PSD3: variants seen among roughly 807,000 people sequenced by gnomAD.
The protein encoded by PSD3 is pleckstrin and Sec7 domain containing 3.
A neutral mutation model predicts 105.5 loss-of-function variants in PSD3; 49 were observed. The observed-to-expected ratio is 0.46, with a 90% CI of 0.37 to 0.59. The LOEUF (loss-of-function observed/expected upper bound fraction) is 0.59. Among genes scored for constraint, PSD3 ranks in the 20% least tolerant of loss-of-function variants. The pLI is 0.00. For missense variants in PSD3, 1,561 were observed against 1,263.8 expected (o/e 1.24, Z -3.57); for synonymous variants, 557 against 457.8 (o/e 1.22, Z -2.77).
intron 9 of PSD3, among the ~76,000 whole-genome samples, chr8:18,698,601 A>T (rs1801396472): frequency 6.6e-6 from 1 of 152,152 alleles, no homozygotes; most frequent in Non-Finnish European, 1.5e-5. Context: ...GAAGGAATAC[A>T]GCCCTGCCAA....
At chr8:18,909,695 C>A (rs1049227226) in intron 2 of PSD3, among the ~76,000 whole-genome samples, 1 of 151,978 alleles carries the variant, frequency 6.6e-6, no homozygotes, top group Admixed American at 6.6e-5. Flanking sequence ...TGTTGGCCAG[C>A]CTAGTCTCAA....
intron 1 of PSD3, among the ~76,000 whole-genome samples, chr8:18,939,602 C>T (rs1193649233): frequency 6.6e-6 from 1 of 151,840 alleles, no homozygotes; most frequent in South Asian, 2.1e-4. Flanking sequence ...CTTGCCTAAG[C>T]CTCCTGAGAA....
intron 4 of PSD3, among the ~76,000 whole-genome samples, chr8:18,852,912 C>A (rs1815708540): frequency 6.6e-6 from 1 of 152,116 alleles, no homozygotes; most frequent in Admixed American, 6.5e-5. Flanking sequence ...CTAGTTAATC[C>A]TCACAGCCAC....
intron 11 of PSD3, among the ~76,000 whole-genome samples, chr8:18,623,985 C>T (rs1806307339): frequency 6.6e-6 from 1 of 152,134 alleles, no homozygotes; most frequent in African/African-American, 2.4e-5. Flanking sequence ...GGAACTCTAG[C>T]TCCTTCCTTT....
chr8:18,872,912 C>A (rs544533029), intron 2 of PSD3, among the ~76,000 whole-genome samples, 179 bp from the exon 3 acceptor site: 1 of 152,334 alleles, frequency 6.6e-6, no homozygotes, highest in South Asian at 2.1e-4. Flanking sequence ...GTGATCCCTT[C>A]TACTCAGCCT....
intron 15 of PSD3, among the ~76,000 whole-genome samples, chr8:18,555,392 A>C (rs1303388327): frequency 1.3e-5 from 2 of 152,206 alleles, no homozygotes; most frequent in African/African-American, 4.8e-5. Flanking sequence ...ATGAAAAAGA[A>C]CAGCTAAAGG....
chr8:18,587,628 T>G (rs1803288914), intron 12 of PSD3, among the ~76,000 whole-genome samples: 1 of 152,176 alleles, frequency 6.6e-6, no homozygotes, highest in Non-Finnish European at 1.5e-5. Flanking sequence ...TGTTAATTCC[T>G]CAGGGAGGCA....
At chr8:18,949,843 A>T (rs1268917306) in intron 1 of PSD3, among the ~76,000 whole-genome samples, 1 of 150,994 alleles carries the variant, frequency 6.6e-6, no homozygotes, top group East Asian at 1.9e-4. Flanking sequence ...TCAGACGAAT[A>T]ACACTATCTC....
chr8:19,009,033 T>C (rs774786911), intron 1 of PSD3, among the ~76,000 whole-genome samples: 12 of 152,242 alleles, frequency 7.9e-5, no homozygotes, highest in Non-Finnish European at 1.3e-4. Flanking sequence ...TTAAAATACA[T>C]TCCATTTTAA....
chr8:18,747,569 A>C (rs1165076779), intron 9 of PSD3, among the ~76,000 whole-genome samples: 1 of 152,212 alleles, frequency 6.6e-6, no homozygotes, highest in Non-Finnish European at 1.5e-5. Flanking sequence ...ATGGAAAAAG[A>C]GGAAACCAGA....
chr8:18,846,831 G>C (rs1815129615), intron 4 of PSD3, among the ~76,000 whole-genome samples: 1 of 151,982 alleles, frequency 6.6e-6, no homozygotes, highest in South Asian at 2.1e-4. Flanking sequence ...GGTTGGTGCT[G>C]GAAAAAACCC....
chr8:18,654,139 C>CATAT (rs765249435), intron 10 of PSD3, among the ~76,000 whole-genome samples: 2 of 150,758 alleles, frequency 1.3e-5, no homozygotes, highest in African/African-American at 2.4e-5. Flanking sequence ...ACACATAAGC[C>CATAT]ATATATATAT....
chr8:19,023,020 C>T (rs907187310), intron 1 of PSD3, among the ~76,000 whole-genome samples: 7 of 152,112 alleles, frequency 4.6e-5, no homozygotes, highest in Non-Finnish European at 8.8e-5. Context: ...AGAGTCATAG[C>T]ATTTTGTTTA....
intron 4 of PSD3, among the ~76,000 whole-genome samples, chr8:18,867,066 A>G (rs1031915067): frequency 2.6e-5 from 4 of 152,180 alleles, no homozygotes; most frequent in Non-Finnish European, 5.9e-5. Context: ...TTGTCATTTT[A>G]TCTCCCAGAT....
chr8:18,905,423 A>C (rs779384149), intron 2 of PSD3, among the ~76,000 whole-genome samples: 5 of 152,120 alleles, frequency 3.3e-5, no homozygotes, highest in Non-Finnish European at 5.9e-5. Flanking sequence ...TCCCAGGTTC[A>C]AGCAATTCTC....
At chr8:19,036,739 T>C (rs1827955041) in intron 1 of PSD3, among the ~76,000 whole-genome samples, 1 of 152,176 alleles carries the variant, frequency 6.6e-6, no homozygotes, top group Admixed American at 6.5e-5. Context: ...CTGAATACTA[T>C]GTAATGAATT....
intron 9 of PSD3, among the ~76,000 whole-genome samples, chr8:18,714,100 C>T (rs1020655492): frequency 2.6e-5 from 4 of 152,074 alleles, no homozygotes; most frequent in African/African-American, 7.2e-5. Context: ...GAAACTGTAC[C>T]CCTTCCTTAT....
At chr8:18,793,264 A>G (rs1184516379) in intron 8 of PSD3, among the ~76,000 whole-genome samples, 2 of 152,076 alleles carry the variant, frequency 1.3e-5, no homozygotes, top group Non-Finnish European at 2.9e-5. Flanking sequence ...TGGCACACAC[A>G]TACATATGTA....
chr8:19,074,605 ATATATATTTTTT>A (rs1563546551), intron 1 of PSD3, among the ~76,000 whole-genome samples: 72 of 18,392 alleles, frequency 3.9e-3, no homozygotes, highest in South Asian at 0.016. Context: ...ATATATATAT[ATATATATTTTTT>A]TTTTTTTTTT....
Sources: gnomAD v4.1 joint callset for allele counts (sites outside exome capture counted in the v4.1 genomes callset) on GRCh38, gnomAD v4.1.1 for gene constraint, MANE v1.5 for transcripts, NCBI Gene and HGNC (gene_info 2026-07-23, HGNC 2026-07-21) for gene names.